The following CDK14 variants were observed in gnomAD, a reference collection of about 807,000 sequenced individuals.
The protein encoded by CDK14 is cyclin-dependent kinase 14.
CDK14 carries 34 observed loss-of-function variants against 60.7 expected under a neutral mutation model. The observed-to-expected ratio is 0.56, with a 90% CI of 0.43 to 0.75. The LOEUF (loss-of-function observed/expected upper bound fraction) is 0.75, where lower values mean the gene tolerates loss of function less well. Among genes scored for constraint, CDK14 ranks in the 30% least tolerant of loss-of-function variants. The pLI is 0.00. For synonymous variants in CDK14, 197 were observed against 203.7 expected (o/e 0.97, Z 0.28); for missense variants, 482 against 564.1 (o/e 0.85, Z 1.47).
At chr7:90,729,441 C>T (rs115389540) in intron 3 of CDK14, among the ~76,000 whole-genome samples, 1,343 of 124,788 alleles carry the variant, frequency 0.011, 23 homozygotes, top group African/African-American at 0.036. Context: ...ATTTCTATCT[C>T]GTCTCTAGTG....
At chr7:90,855,650 A>G (rs540566294) in intron 5 of CDK14, among the ~76,000 whole-genome samples, 14 of 152,342 alleles carry the variant, frequency 9.2e-5, no homozygotes, top group Middle Eastern at 3.4e-3. Context: ...TGGTAAAAAT[A>G]ACAATACATT....
intron 8 of CDK14, among the ~76,000 whole-genome samples, chr7:90,951,988 T>C (rs1044648469): frequency 3.3e-5 from 5 of 152,090 alleles, no homozygotes; most frequent in African/African-American, 1.2e-4. Flanking sequence ...AGTGTATATA[T>C]TTGAGAAAGC....
At chr7:90,920,865 T>C (rs1258214864) in intron 8 of CDK14, among the ~76,000 whole-genome samples, 1 of 152,208 alleles carries the variant, frequency 6.6e-6, no homozygotes, top group African/African-American at 2.4e-5. Flanking sequence ...AACCAGATGA[T>C]AGTGAATTTG....
intron 6 of CDK14, among the ~76,000 whole-genome samples, chr7:90,883,431 A>T (rs901417291): frequency 3.9e-5 from 6 of 152,184 alleles, no homozygotes; most frequent in African/African-American, 1.2e-4. Flanking sequence ...ACCAATAACA[A>T]GTTCTGAAAT....
chr7:90,681,480 A>C (rs1801316534), intron 2 of CDK14, among the ~76,000 whole-genome samples: 1 of 152,120 alleles, frequency 6.6e-6, no homozygotes, highest in Non-Finnish European at 1.5e-5. Flanking sequence ...TCTCTCTGAG[A>C]ACATACTGAC....
chr7:90,699,741 AG>A (rs1801742857), intron 2 of CDK14, among the ~76,000 whole-genome samples: 1 of 152,174 alleles, frequency 6.6e-6, no homozygotes, highest in Non-Finnish European at 1.5e-5. Flanking sequence ...CCTTGCATTC[AG>A]GTGGTCCTGC....
intron 10 of CDK14, among the ~76,000 whole-genome samples, chr7:91,034,017 T>G (rs945412898): frequency 3.3e-5 from 5 of 152,254 alleles, no homozygotes; most frequent in Non-Finnish European, 7.3e-5. Context: ...CACTGCAGAA[T>G]TTTCCAGGCA....
intron 10 of CDK14, among the ~76,000 whole-genome samples, chr7:91,032,005 G>A (rs1722187223): frequency 6.6e-6 from 1 of 152,118 alleles, no homozygotes. Context: ...AGTCAATCGA[G>A]ATGAATTAAC....
intron 2 of CDK14, among the ~76,000 whole-genome samples, chr7:90,615,655 A>C (rs1049662024): frequency 2.6e-5 from 4 of 152,184 alleles, no homozygotes; most frequent in African/African-American, 9.7e-5. Flanking sequence ...AGATTTGCCC[A>C]TGGGAATGTG....
chr7:91,089,001 A>G (rs1223976186), intron 12 of CDK14, among the ~76,000 whole-genome samples: 2 of 152,172 alleles, frequency 1.3e-5, no homozygotes, highest in Non-Finnish European at 2.9e-5. Context: ...ATTTGAAGTA[A>G]AGATGAAGGG....
intron 2 of CDK14, among the ~76,000 whole-genome samples, chr7:90,678,894 C>A (rs1801257076): frequency 1.3e-5 from 2 of 152,134 alleles, no homozygotes. Flanking sequence ...AAATCAGTAG[C>A]CTACAAAGGA....
intron 3 of CDK14, among the ~76,000 whole-genome samples, chr7:90,728,707 G>C (rs1802733460): frequency 6.6e-6 from 1 of 151,818 alleles, no homozygotes; most frequent in South Asian, 2.1e-4. Context: ...ATTTTTGGTG[G>C]GTCTATGTCA....
chr7:90,808,394 A>G (rs537027760), intron 5 of CDK14, among the ~76,000 whole-genome samples: 2 of 152,296 alleles, frequency 1.3e-5, no homozygotes, highest in South Asian at 2.1e-4. Flanking sequence ...GAAATAAAAT[A>G]CTTTACAGAA....
chr7:91,098,250 T>C (rs1439012212), intron 12 of CDK14, among the ~76,000 whole-genome samples: 1 of 152,262 alleles, frequency 6.6e-6, no homozygotes, highest in African/African-American at 2.4e-5. Flanking sequence ...AACTAAACTT[T>C]AATAACCCAT....
intron 11 of CDK14, among the ~76,000 whole-genome samples, chr7:91,059,220 A>G (rs1797695331): frequency 1.3e-5 from 2 of 152,178 alleles, no homozygotes; most frequent in South Asian, 2.1e-4. Context: ...CTCTGATGGT[A>G]GTTTGTATTT....
chr7:90,861,049 G>A (rs1372072411), intron 5 of CDK14, among the ~76,000 whole-genome samples: 1 of 152,120 alleles, frequency 6.6e-6, no homozygotes, highest in Non-Finnish European at 1.5e-5. Context: ...GTCAAAGGAA[G>A]ATTGGTCAAA....
At chr7:90,882,743 T>C (rs1791804133) in intron 6 of CDK14, among the ~76,000 whole-genome samples, 1 of 152,164 alleles carries the variant, frequency 6.6e-6, no homozygotes, top group African/African-American at 2.4e-5. Context: ...CATAACAGTC[T>C]CTCAGACCAC....
chr7:91,124,436 T>A (rs1799878229), intron 14 of CDK14, among the ~76,000 whole-genome samples: 1 of 152,086 alleles, frequency 6.6e-6, no homozygotes, highest in South Asian at 2.1e-4. Flanking sequence ...TTTAACTGTG[T>A]TTTTCTTAAA....
chr7:90,850,339 T>A (rs1790608843), intron 5 of CDK14, among the ~76,000 whole-genome samples: 1 of 152,196 alleles, frequency 6.6e-6, no homozygotes, highest in Non-Finnish European at 1.5e-5. Context: ...CAGCACTTAA[T>A]AGGCATTTTC....
Sources: allele counts gnomAD v4.1 joint callset (sites outside exome capture counted in the v4.1 genomes callset), GRCh38; gene constraint gnomAD v4.1.1; transcripts MANE v1.5; gene names NCBI Gene and HGNC (gene_info 2026-07-23, HGNC 2026-07-21).